SPRED1: variants seen among roughly 807,000 people sequenced by gnomAD.
SPRED1 encodes sprouty-related, EVH1 domain-containing protein 1.
SPRED1 carries 18 observed loss-of-function variants against 52.3 expected under a neutral mutation model. The observed-to-expected ratio is 0.34, with a 90% confidence interval of 0.24 to 0.51. The LOEUF (loss-of-function observed/expected upper bound fraction) is 0.51, where lower values mean the gene tolerates loss of function less well. SPRED1 is among the 20% of genes least tolerant of loss of function. The pLI is 0.97. For synonymous variants in SPRED1, 155 were observed against 179.7 expected (o/e 0.86, Z 1.10); for missense variants, 485 against 551.0 (o/e 0.88, Z 1.20).
chr15:38,280,153 C>A (rs944144495), intron 1 of SPRED1, among the ~76,000 whole-genome samples: 16 of 152,060 alleles, frequency 1.1e-4, no homozygotes, highest in Admixed American at 1.0e-3. Flanking sequence ...GGGAAGTCAT[C>A]TTTTTCTTTA....
intron 2 of SPRED1, 83 bp from the exon 3 acceptor site, chr15:38,322,158 G>C: frequency 7.6e-7 from 1 of 1,318,012 alleles, no homozygotes; most frequent in Non-Finnish European, 1.1e-6. Context: ...TAATAGCGTT[G>C]TATCACCTCA....
intron 1 of SPRED1, among the ~76,000 whole-genome samples, chr15:38,275,644 C>T (rs969515274): frequency 7.9e-5 from 12 of 152,210 alleles, no homozygotes; most frequent in East Asian, 1.9e-4. Context: ...ACTACAGGTG[C>T]GCACCATCAT....
At chr15:38,318,317 T>C (rs752150388) in intron 2 of SPRED1, among the ~76,000 whole-genome samples, 12 of 152,182 alleles carry the variant, frequency 7.9e-5, no homozygotes, top group Non-Finnish European at 1.3e-4. Flanking sequence ...TGGTATGATA[T>C]TTAAACTCAG....
chr15:38,273,909 A>G (rs1187553708), intron 1 of SPRED1, among the ~76,000 whole-genome samples: 2 of 152,214 alleles, frequency 1.3e-5, no homozygotes, highest in African/African-American at 2.4e-5. Context: ...TATTTATACT[A>G]AAGACTTGCT....
chr15:38,347,461 C>CT (rs3075337), intron 5 of SPRED1, among the ~76,000 whole-genome samples: 38 of 93,236 alleles, frequency 4.1e-4, no homozygotes, highest in African/African-American at 1.4e-3. Flanking sequence ...CCGCTTGGAT[C>CT]TTTTTTTTTT....
chr15:38,346,837 C>G (rs1363667129), intron 5 of SPRED1, among the ~76,000 whole-genome samples: 1 of 152,150 alleles, frequency 6.6e-6, no homozygotes, highest in Non-Finnish European at 1.5e-5. Context: ...TGTGTACCAC[C>G]TACAGGGGAT....
Position 38,349,523 on chromosome 15 carries a change from G to C in SPRED1, c.684G>C (p.Arg228Ser), listed in dbSNP as rs1446813077. 6.3e-7 allele frequency: 1 copy of C among 1,593,104 alleles called. No homozygotes were observed. The highest frequency in any genetic ancestry group is 1.1e-5 in the South Asian group (1 of 90,546). Residue 228 changes from arginine (R) to serine (S), a missense_variant and splice_region_variant, in exon 6 of 7, where the codon AGG (arginine) becomes AGC (serine). Arg to Ser is a moderately radical substitution (Grantham distance 110). Around this residue, in one of 5 missense-constraint regions of SPRED1, gnomAD observed 232 missense variants for 231.8 expected, o/e 1.00. Coordinates refer to ENST00000299084, the MANE Select transcript of SPRED1 (RefSeq NM_152594.3). ...GTGGAAGCCTAAAGTCCCAAAATAG[G>C]GTAAGTAATGTTAGTTTATCTTGTG... The part of the protein sequence containing the change: ...KECGSLKSQN[R>S]VPLKSIRHVS...
At chr15:38,318,233 A>G (rs1302110476) in intron 2 of SPRED1, among the ~76,000 whole-genome samples, 3 of 151,910 alleles carry the variant, frequency 2.0e-5, no homozygotes, top group Non-Finnish European at 4.4e-5. Flanking sequence ...TGCCAACAGT[A>G]TTTTCTCGTA....
intron 1 of SPRED1, 69 bp downstream of exon 1, chr15:38,253,286 C>T (rs1894021933): frequency 1.4e-6 from 2 of 1,478,194 alleles, no homozygotes; most frequent in South Asian, 2.4e-5. Context: ...CCCCCAGACC[C>T]ATCCGAAACT....
chr15:38,278,018 A>G (rs374660786), intron 1 of SPRED1, among the ~76,000 whole-genome samples: 1 of 114,448 alleles, frequency 8.7e-6, no homozygotes, highest in East Asian at 2.5e-4. Context: ...ATGGCAAGTA[A>G]TATAGGATTA....
chr15:38,329,929 T>C (rs1895776303), intron 4 of SPRED1, among the ~76,000 whole-genome samples: 1 of 152,212 alleles, frequency 6.6e-6, no homozygotes, highest in South Asian at 2.1e-4. Context: ...ATTATGTAGC[T>C]ATACTACAAT....
At chr15:38,348,791 A>G (rs1465401538) in intron 5 of SPRED1, among the ~76,000 whole-genome samples, 1 of 152,172 alleles carries the variant, frequency 6.6e-6, no homozygotes, top group Non-Finnish European at 1.5e-5. Flanking sequence ...AAATTTTAAA[A>G]ATTAAACATT....
chr15:38,350,951 A>G, intron 6 of SPRED1, 63 bp from the exon 7 acceptor site: 1 of 1,495,904 alleles, frequency 6.7e-7, no homozygotes, highest in South Asian at 1.2e-5. Context: ...TGGCCCCACC[A>G]AGGTGACACG....
rs762837345 is a variant in SPRED1 at position 38,253,148 on chromosome 15, G to T, written c.-38G>T. 3 of 1,565,438 alleles carry T rather than the reference G, an allele frequency of 1.9e-6. No homozygotes were observed. Among genetic ancestry groups the T allele is most frequent in the Admixed American group, 3.7e-5 (2 of 53,448 alleles). ...TGCTGTTGCTCCCCCGCCTGCTGTT[G>T]CTCCTCCATCTCCAGATCGGATCAC... On this transcript the variant is annotated 5_prime_UTR_variant, in exon 1 of 7. Coordinates refer to ENST00000299084, the MANE Select transcript of SPRED1 (RefSeq NM_152594.3).
chr15:38,316,748 G>GGTTTTTTT, intron 2 of SPRED1, among the ~76,000 whole-genome samples: 538 of 41,624 alleles, frequency 0.013, 54 homozygotes, highest in East Asian at 0.049. Flanking sequence ...TCCATTATAT[G>GGTTTTTTT]TTTTTTTTTT....
At chr15:38,261,044 G>GCT (rs1894194614) in intron 1 of SPRED1, among the ~76,000 whole-genome samples, 1 of 152,070 alleles carries the variant, frequency 6.6e-6, no homozygotes. Flanking sequence ...AGTCAAATGG[G>GCT]GTTTATCTTG....
chr15:38,351,477 CAGAG>C lies in SPRED1; in HGVS notation c.1149_1152del (p.Gly385IlefsTer20), dbSNP rs1595763925. 3 of 1,614,114 alleles carry C rather than the reference CAGAG, an allele frequency of 1.9e-6. No homozygotes were observed. The highest frequency in any genetic ancestry group is 8.5e-7 in the Non-Finnish European group (1 of 1,180,014). ...ATGTTGTATCATTGTATGTCAGACT[CAGAG>C]GGAGATTTTTCTGATCCCTGTTCGT... On this transcript the variant is annotated frameshift_variant, in exon 7 of 7. Coordinates refer to ENST00000299084, the MANE Select transcript of SPRED1 (RefSeq NM_152594.3). LOFTEE classifies it high-confidence loss of function.
intron 5 of SPRED1, among the ~76,000 whole-genome samples, chr15:38,347,542 A>G (rs1896168023): frequency 6.7e-6 from 1 of 149,122 alleles, no homozygotes; most frequent in African/African-American, 2.5e-5. Flanking sequence ...AATCTGATGA[A>G]GAATCCTTTT....
intron 1 of SPRED1, chr15:38,283,595 G>A (rs1489765745): frequency 7.4e-6 from 5 of 678,180 alleles, no homozygotes; most frequent in Non-Finnish European, 9.1e-6. Flanking sequence ...TATAATTGAT[G>A]GAGAATATTT....
Sources: allele counts gnomAD v4.1 joint callset (sites outside exome capture counted in the v4.1 genomes callset), GRCh38; gene constraint gnomAD v4.1.1; regional missense constraint gnomAD v4.1.1; transcripts MANE v1.5; gene names NCBI Gene and HGNC (gene_info 2026-07-23, HGNC 2026-07-21).